Variants in METTL15 observed in about 807,000 individuals in gnomAD.
METTL15 encodes the protein methyltransferase 15, mitochondrial 12S rRNA N4-cytidine.
METTL15 carries 34 observed loss-of-function variants against 38.3 expected under a neutral mutation model. The ratio of observed to expected loss-of-function variants is 0.89; its 90% CI spans 0.68 to 1.18. The LOEUF is 1.18. Among genes scored for constraint, METTL15 ranks in the 50% most tolerant of loss-of-function variants. The probability of loss-of-function intolerance (pLI) is 0.00; values close to 1 mark genes in which losing one functional copy is unlikely to be tolerated. For missense variants in METTL15, 438 were observed against 498.4 expected, an observed-to-expected ratio of 0.88 and a Z score of 1.15; for synonymous variants, 162 against 170.9, an observed-to-expected ratio of 0.95 and a Z score of 0.41.
At chr11:28,320,306 A>G (rs1020762653) in intron 6 of METTL15, among the ~76,000 whole-genome samples, 4 of 151,792 alleles carry the variant, frequency 2.6e-5, no homozygotes, top group Admixed American at 2.6e-4. Context: ...CTATAATCAC[A>G]GCACTTTGGG....
intron 6 of METTL15, among the ~76,000 whole-genome samples, chr11:28,303,152 C>G (rs1300627725): frequency 6.6e-6 from 1 of 152,118 alleles, no homozygotes; most frequent in Non-Finnish European, 1.5e-5. Context: ...TTTTCATTCT[C>G]CGGTTACATC....
At chr11:28,400,981 G>A (rs1013529922) in intron 5 of METTL15, among the ~76,000 whole-genome samples, 5 of 151,932 alleles carry the variant, frequency 3.3e-5, no homozygotes, top group African/African-American at 9.7e-5. Context: ...AAATTCGTGC[G>A]TGTGAACAGC....
intron 4 of METTL15, among the ~76,000 whole-genome samples, chr11:28,275,360 G>T (rs1590248222): frequency 6.6e-6 from 1 of 151,886 alleles, no homozygotes; most frequent in East Asian, 1.9e-4. Context: ...AAACCTAGAA[G>T]AAATGGATAA....
At chr11:28,388,012 A>T (rs1850458471) in intron 5 of METTL15, among the ~76,000 whole-genome samples, 1 of 150,350 alleles carries the variant, frequency 6.7e-6, no homozygotes, top group Admixed American at 6.8e-5. Flanking sequence ...TTTTGTGATA[A>T]AAATACTAAA....
At chr11:28,486,470 C>T (rs1851440439) in intron 6 of METTL15, among the ~76,000 whole-genome samples, 1 of 152,006 alleles carries the variant, frequency 6.6e-6, no homozygotes, top group Non-Finnish European at 1.5e-5. Context: ...TTGGCAGGCC[C>T]TGGAGATACT....
intron 4 of METTL15, among the ~76,000 whole-genome samples, chr11:28,275,898 C>T (rs1037718190): frequency 6.6e-6 from 1 of 151,982 alleles, no homozygotes; most frequent in African/African-American, 2.4e-5. Flanking sequence ...ATTCAACCTC[C>T]CTTCATGATA....
intron 6 of METTL15, among the ~76,000 whole-genome samples, chr11:28,523,478 C>T (rs1851784493): frequency 6.6e-6 from 1 of 152,186 alleles, no homozygotes; most frequent in Admixed American, 6.5e-5. Flanking sequence ...TGAAACACTA[C>T]ACAGAAGTCA....
intron 6 of METTL15, among the ~76,000 whole-genome samples, chr11:28,489,863 A>G (rs1379510529): frequency 6.6e-6 from 1 of 152,130 alleles, no homozygotes; most frequent in African/African-American, 2.4e-5. Flanking sequence ...TGTTCAATAA[A>G]TGCTAATTCT....
intron 4 of METTL15, among the ~76,000 whole-genome samples, chr11:28,215,825 G>C (rs766032480): frequency 6.6e-6 from 1 of 152,098 alleles, no homozygotes; most frequent in African/African-American, 2.4e-5. Context: ...TTGAGCTCAG[G>C]AGTTAGGAGA....
chr11:28,456,750 T>A (rs1420027162), intron 6 of METTL15, among the ~76,000 whole-genome samples: 1 of 152,108 alleles, frequency 6.6e-6, no homozygotes, highest in Admixed American at 6.6e-5. Flanking sequence ...ACAGCCCCCA[T>A]GTTTTAAGAA....
intron 6 of METTL15, among the ~76,000 whole-genome samples, chr11:28,503,386 A>G (rs1851600468): frequency 1.3e-5 from 2 of 152,254 alleles, no homozygotes; most frequent in Non-Finnish European, 1.5e-5. Context: ...AGCTAACTTT[A>G]TTCTTACTCA....
intron 6 of METTL15, among the ~76,000 whole-genome samples, chr11:28,425,267 A>G (rs975653557): frequency 6.6e-6 from 1 of 152,204 alleles, no homozygotes; most frequent in Non-Finnish European, 1.5e-5. Flanking sequence ...AGTCAAAGTA[A>G]TGTTTCCAAA....
intron 6 of METTL15, among the ~76,000 whole-genome samples, chr11:28,492,086 T>TC (rs1851499434): frequency 6.6e-6 from 1 of 152,154 alleles, no homozygotes. Context: ...GCAACAAATA[T>TC]GTCTGAGCAC....
At chr11:28,292,461 T>A (rs1298160220) in intron 5 of METTL15, among the ~76,000 whole-genome samples, 3 of 152,118 alleles carry the variant, frequency 2.0e-5, no homozygotes, top group Admixed American at 6.6e-5. Context: ...TCTATCATTG[T>A]TGGACATTTG....
At chr11:28,483,774 C>T (rs1310483162) in intron 6 of METTL15, among the ~76,000 whole-genome samples, 1 of 152,140 alleles carries the variant, frequency 6.6e-6, no homozygotes, top group Non-Finnish European at 1.5e-5. Context: ...GTAGTTTTCA[C>T]AGTTCTAAGG....
At chr11:28,239,531 A>G (rs1854193516) in intron 4 of METTL15, among the ~76,000 whole-genome samples, 1 of 152,164 alleles carries the variant, frequency 6.6e-6, no homozygotes, top group Admixed American at 6.6e-5. Context: ...TGCCATTAAA[A>G]TCCTTCTATA....
At chr11:28,531,111 G>C (rs1373456949), downstream of METTL15, among the ~76,000 whole-genome samples, 1 of 151,842 alleles carries the variant, frequency 6.6e-6, no homozygotes, top group African/African-American at 2.4e-5. Context: ...TTTGCTTCAA[G>C]CAGAAAAGGA....
chr11:28,363,174 T>C (rs917636843), intron 5 of METTL15, among the ~76,000 whole-genome samples: 1 of 152,170 alleles, frequency 6.6e-6, no homozygotes, highest in Non-Finnish European at 1.5e-5. Context: ...CTTCTTTTTT[T>C]TATTTTTTAT....
intron 5 of METTL15, 140 bp downstream of exon 5, chr11:28,290,537 T>G: frequency 1.4e-6 from 1 of 737,114 alleles, no homozygotes; most frequent in African/African-American, 1.8e-5. Context: ...ATCAGTTTGT[T>G]TCATACTCAT....
Sources: gnomAD v4.1 joint callset for allele counts (sites outside exome capture counted in the v4.1 genomes callset) on GRCh38, gnomAD v4.1.1 for gene constraint, MANE v1.5 for transcripts, NCBI Gene and HGNC (gene_info 2026-07-23, HGNC 2026-07-21) for gene names.